The following PIK3R1 variants were observed in gnomAD, a reference collection of about 807,000 sequenced individuals.
The protein encoded by PIK3R1 is phosphatidylinositol 3-kinase regulatory subunit alpha.
Under a neutral mutation model 98.0 loss-of-function variants are expected in PIK3R1, and 29 were observed. The ratio of observed to expected loss-of-function variants is 0.30; its 90% CI spans 0.22 to 0.40. The LOEUF (loss-of-function observed/expected upper bound fraction) is 0.40, where lower values mean the gene tolerates loss of function less well. Among genes scored for constraint, PIK3R1 ranks in the 10% least tolerant of loss-of-function variants. The pLI is 1.00. For missense variants in PIK3R1, 596 were observed against 872.7 expected (o/e 0.68, Z 3.99); for synonymous variants, 282 against 311.8 (o/e 0.90, Z 1.01).
At chr5:68,280,506 T>C (rs1222991348) in intron 5 of PIK3R1, 22 bp from the exon 6 acceptor site, 2 of 1,506,514 alleles carry the variant, frequency 1.3e-6, no homozygotes, top group African/African-American at 1.4e-5. Flanking sequence ...ATTTCTCTTT[T>C]TTTTTTTTTT....
intron 2 of PIK3R1, among the ~76,000 whole-genome samples, chr5:68,245,319 T>TA (rs1561268012): frequency 7.2e-5 from 11 of 152,182 alleles, no homozygotes; most frequent in East Asian, 1.9e-4. Context: ...TGCTTTTTTT[T>TA]TAAAAAAAAA....
chr5:68,291,943 A>G (rs1747416832), intron 7 of PIK3R1: 1 of 194,926 alleles, frequency 5.1e-6, no homozygotes, highest in Non-Finnish European at 1.0e-5. Context: ...AAACTTTAAT[A>G]TAACTAGAAT....
intron 2 of PIK3R1, among the ~76,000 whole-genome samples, chr5:68,253,259 C>G (rs954856390): frequency 6.6e-6 from 1 of 152,094 alleles, no homozygotes; most frequent in African/African-American, 2.4e-5. Flanking sequence ...TTACCAATTT[C>G]CTAGCATGTT....
chr5:68,234,475 A>G, intron 2 of PIK3R1, among the ~76,000 whole-genome samples: 1 of 152,192 alleles, frequency 6.6e-6, no homozygotes, highest in East Asian at 1.9e-4. Context: ...GTATGGGATT[A>G]TTGCTTATGA....
chr5:68,246,574 A>G (rs987651959), intron 2 of PIK3R1, among the ~76,000 whole-genome samples: 1 of 152,000 alleles, frequency 6.6e-6, no homozygotes, highest in African/African-American at 2.4e-5. Flanking sequence ...CAGCCTCCCA[A>G]AGTGCTGGGA....
chr5:68,226,363 A>T lies in PIK3R1; in HGVS notation c.-313A>T, dbSNP rs1744276907. 2 of 456,592 alleles carry T rather than the reference A, an allele frequency of 4.4e-6. No individual in the cohort carries two copies. Among genetic ancestry groups the T allele is most frequent in the Admixed American group, 3.7e-5 (1 of 27,008 alleles). 28.3% of individuals were successfully genotyped at this position (456,592 alleles called of 1,614,324 possible). ...CAGTGTGACAAAAGTGTCAGAAAGGATTGGGCCTCGCTGTGAGAGTCAGCC... is the reference window on the plus strand; with the variant it reads ...CAGTGTGACAAAAGTGTCAGAAAGGTTTGGGCCTCGCTGTGAGAGTCAGCC... On this transcript the variant is annotated 5_prime_UTR_variant, in exon 2 of 16. Coordinates refer to ENST00000521381, the MANE Select transcript of PIK3R1 (RefSeq NM_181523.3).
chr5:68,287,042 T>C (rs1026227050), intron 7 of PIK3R1, among the ~76,000 whole-genome samples: 1 of 152,190 alleles, frequency 6.6e-6, no homozygotes, highest in Non-Finnish European at 1.5e-5. Flanking sequence ...ATCACTTTCA[T>C]TGTGGGTTTA....
At chr5:68,276,700 C>A (rs527963928) in intron 4 of PIK3R1, among the ~76,000 whole-genome samples, 80 of 152,278 alleles carry the variant, frequency 5.3e-4, no homozygotes, top group African/African-American at 1.9e-3. Flanking sequence ...GTCACTAGCT[C>A]TAGTAGAATT....
intron 6 of PIK3R1, 76 bp downstream of exon 6, chr5:68,280,805 C>A: frequency 7.6e-7 from 1 of 1,322,314 alleles, no homozygotes. Context: ...AAAATGTATT[C>A]TGAATATACT....
intron 2 of PIK3R1, among the ~76,000 whole-genome samples, chr5:68,263,213 ATT>A (rs200349434): frequency 0.23 from 31,957 of 136,368 alleles, 4,776 homozygotes; most frequent in African/African-American, 0.33. Context: ...CTATATATAT[ATT>A]TCTACATATA....
At chr5:68,261,968 G>A (rs540916210) in intron 2 of PIK3R1, among the ~76,000 whole-genome samples, 13 of 152,196 alleles carry the variant, frequency 8.5e-5, no homozygotes, top group East Asian at 7.7e-4. Context: ...AGGAAGAGGC[G>A]ACTCTGAGAT....
intron 4 of PIK3R1, 40 bp downstream of exon 4, chr5:68,274,053 G>T: frequency 6.8e-7 from 1 of 1,474,848 alleles, no homozygotes; most frequent in Non-Finnish European, 9.5e-7. Flanking sequence ...GGGAAAGACA[G>T]GTCTTGGCTT....
chr5:68,278,928 G>C (rs1370249744), intron 4 of PIK3R1, among the ~76,000 whole-genome samples: 1 of 152,182 alleles, frequency 6.6e-6, no homozygotes. Context: ...TGGCTACAGA[G>C]TGAGACTCCA....
chr5:68,266,216 TTCTCAAG>T (rs1320742271), intron 2 of PIK3R1, among the ~76,000 whole-genome samples: 1 of 152,256 alleles, frequency 6.6e-6, no homozygotes, highest in African/African-American at 2.4e-5. Flanking sequence ...ACATCGCAGC[TTCTCAAG>T]TTACATTTTA....
intron 2 of PIK3R1, among the ~76,000 whole-genome samples, chr5:68,245,736 G>A (rs1410396045): frequency 6.6e-6 from 1 of 152,150 alleles, no homozygotes; most frequent in Non-Finnish European, 1.5e-5. Context: ...ATTTAAACCT[G>A]ACGAAAATGA....
intron 2 of PIK3R1, 117 bp downstream of exon 2, chr5:68,227,126 T>C: frequency 1.2e-6 from 1 of 801,418 alleles, no homozygotes; most frequent in Non-Finnish European, 2.0e-6. Context: ...CAACTGCACC[T>C]GAATTGATGT....
At chr5:68,281,065 A>C in intron 7 of PIK3R1, 59 bp downstream of exon 7, 1 of 1,124,998 alleles carries the variant, frequency 8.9e-7, no homozygotes, top group Non-Finnish European at 1.3e-6. Flanking sequence ...GCCTTAAAAA[A>C]TGATGGCTAT....
chr5:68,293,628 T>G, intron 10 of PIK3R1, 81 bp from the exon 11 acceptor site: 2 of 1,181,752 alleles, frequency 1.7e-6, no homozygotes, highest in South Asian at 3.0e-5. Flanking sequence ...ATTTTAAAGA[T>G]GTTTCCATGT....
intron 5 of PIK3R1, 102 bp downstream of exon 5, chr5:68,279,835 G>A (rs1428207549): frequency 1.9e-5 from 21 of 1,112,872 alleles, no homozygotes; most frequent in Non-Finnish European, 2.8e-5. Context: ...GAAAATAGTA[G>A]TAATAACCTG....
Sources: gnomAD v4.1 joint callset for allele counts (sites outside exome capture counted in the v4.1 genomes callset) on GRCh38, gnomAD v4.1.1 for gene constraint, MANE v1.5 for transcripts, NCBI Gene and HGNC (gene_info 2026-07-23, HGNC 2026-07-21) for gene names.